The following TRAF3IP1 variants were observed in gnomAD, a reference collection of about 807,000 sequenced individuals.
The protein encoded by TRAF3IP1 is TRAF3-interacting protein 1.
In TRAF3IP1, 53 loss-of-function variants were observed where a neutral mutation model predicts 89.9. The observed-to-expected ratio is 0.59, with a 90% CI of 0.47 to 0.74. The LOEUF is 0.74. TRAF3IP1 is among the 30% of genes least tolerant of loss of function. TRAF3IP1 has a pLI of 0.00. For missense variants in TRAF3IP1, 806 were observed against 866.1 expected (o/e 0.93, Z 0.87); for synonymous variants, 311 against 322.1 (o/e 0.97, Z 0.37).
At chr2:238,349,032 T>C (rs1324439231) in intron 11 of TRAF3IP1, among the ~76,000 whole-genome samples, 184 bp downstream of exon 11, 1 of 152,238 alleles carries the variant, frequency 6.6e-6, no homozygotes, top group Non-Finnish European at 1.5e-5. Flanking sequence ...TATAGTGATA[T>C]AATATTTTGG....
At chr2:238,357,171 G>C (rs949333383) in intron 15 of TRAF3IP1, among the ~76,000 whole-genome samples, 1 of 152,148 alleles carries the variant, frequency 6.6e-6, no homozygotes, top group East Asian at 1.9e-4. Flanking sequence ...CTTTTGTTGG[G>C]ACCTGTGGCC....
chr2:238,400,205 C>T lies in TRAF3IP1; in HGVS notation c.*1286C>T, dbSNP rs567168045. The T allele has an allele frequency of 1.3e-5, 2 of 151,928 alleles. No individual in the cohort carries two copies. The highest frequency in any genetic ancestry group is 2.1e-4 in the South Asian group (1 of 4,824). The allele number at this position is 151,928 out of a possible 1,614,324, so 9.4% of individuals were successfully genotyped here. A position where few individuals can be genotyped will look rare whatever the true frequency, so the allele number is the denominator to read the frequency against. ...CCGCCTCCCGAGTTCAAGTGATTCT[C>T]CTGCCTCAGCCTCCTGAGTAACTGG... On this transcript the variant is annotated 3_prime_UTR_variant, in exon 17 of 17. Coordinates refer to ENST00000373327, the MANE Select transcript of TRAF3IP1 (RefSeq NM_015650.4).
intron 1 of TRAF3IP1, among the ~76,000 whole-genome samples, chr2:238,322,100 G>A (rs952942762): frequency 6.6e-6 from 1 of 152,376 alleles, no homozygotes; most frequent in Admixed American, 6.5e-5. Context: ...GACCTGCTGT[G>A]TGGATAGCCC....
intron 1 of TRAF3IP1, among the ~76,000 whole-genome samples, chr2:238,321,193 T>C (rs1277565346): frequency 6.6e-6 from 1 of 152,124 alleles, no homozygotes; most frequent in Non-Finnish European, 1.5e-5. Context: ...GGAGCATTCT[T>C]ACTTCTTCCC....
At chr2:238,347,816 G>A (rs1316568794) in intron 10 of TRAF3IP1, among the ~76,000 whole-genome samples, 1 of 151,892 alleles carries the variant, frequency 6.6e-6, no homozygotes, top group South Asian at 2.1e-4. Flanking sequence ...TAGTAGAGAC[G>A]GGGTTTCTCC....
chr2:238,320,713 TC>T lies in TRAF3IP1; in HGVS notation c.52del (p.Arg18GlyfsTer5). ...CGCAGGAGGCGCTGGGGAAAGTGAT[TC>T]GGAGGCCGCCGCTGACCGAGAAGCT... The part of the protein sequence containing the change: ...RTQEALGKVI[R>X]RPPLTEKLLS... On this transcript the variant is annotated frameshift_variant, in exon 1 of 17. Coordinates refer to ENST00000373327, the MANE Select transcript of TRAF3IP1 (RefSeq NM_015650.4). LOFTEE classifies it high-confidence loss of function. The T allele has an allele frequency of 6.9e-7, 1 of 1,446,642 alleles. No homozygotes were observed. The highest frequency in any genetic ancestry group is 9.2e-7 in the Non-Finnish European group (1 of 1,088,470). The allele number at this position is 1,446,642 out of a possible 1,614,324, so 89.6% of individuals were successfully genotyped here.
intron 10 of TRAF3IP1, among the ~76,000 whole-genome samples, 168 bp from the exon 11 acceptor site, chr2:238,348,596 G>T (rs114340359): frequency 1.3e-5 from 2 of 152,224 alleles, no homozygotes; most frequent in East Asian, 3.9e-4. Context: ...ATCAGACATC[G>T]ATTTTCTCTT....
In TRAF3IP1 at chr2:238,396,718, A is replaced by G. The variant is rs555012858; in HGVS notation, c.1690-741A>G. Among the ~76,000 whole-genome samples the G allele has an allele frequency of 3.3e-5, 5 of 152,228 alleles. No individual in the cohort carries two copies. In the South Asian group the frequency reaches 8.3e-4, roughly 25 times the overall value. On this transcript the variant is annotated intron_variant, in intron 15 of 16. Coordinates refer to ENST00000373327, the MANE Select transcript of TRAF3IP1 (RefSeq NM_015650.4). The stretch of plus-strand genomic sequence containing the variant: ...CCCAAGAACTCCTGGCCCAAACCGC[A>G]TGCAGCTCCCCACTCGTCTCTGCGT...
intron 15 of TRAF3IP1, among the ~76,000 whole-genome samples, chr2:238,384,562 T>A (rs547563365): frequency 7.4e-4 from 110 of 149,280 alleles, no homozygotes; most frequent in Middle Eastern, 3.4e-3. Flanking sequence ...TTTTTTGTAT[T>A]TTTTTTTTAA....
At chr2:238,380,934 T>C (rs1016303624) in intron 15 of TRAF3IP1, among the ~76,000 whole-genome samples, 8 of 152,164 alleles carry the variant, frequency 5.3e-5, no homozygotes, top group Non-Finnish European at 1.0e-4. Context: ...TGGGAATATC[T>C]TCCATAGAGA....
At chr2:238,326,088 A>G (rs1697819525) in intron 3 of TRAF3IP1, 118 bp downstream of exon 3, 1 of 963,094 alleles carries the variant, frequency 1.0e-6, no homozygotes, top group African/African-American at 1.7e-5. Flanking sequence ...TGTCTGTCAA[A>G]CACTGTGCTT....
Position 238,344,483 on chromosome 2 carries a change from C to T in TRAF3IP1, c.1160-14C>T, listed in dbSNP as rs1222199698. On this transcript the variant is annotated splice_polypyrimidine_tract_variant and intron_variant, in intron 8 of 16. Coordinates refer to ENST00000373327, the MANE Select transcript of TRAF3IP1 (RefSeq NM_015650.4). ...TACAGTCTTAATGACTAATTTTAAA[C>T]TGTTTTATGTCAGGAACAAAAGAAG... The T allele has an allele frequency of 6.2e-7, 1 of 1,607,872 alleles. No homozygotes were observed. Among genetic ancestry groups the T allele is most frequent in the Admixed American group, 1.7e-5 (1 of 59,974 alleles).
chr2:238,325,519 C>G (rs1349580638), intron 2 of TRAF3IP1, 145 bp downstream of exon 2: 1 of 796,518 alleles, frequency 1.3e-6, no homozygotes, highest in Non-Finnish European at 2.0e-6. Flanking sequence ...ATATATATAC[C>G]CTTTCTCATT....
chr2:238,330,743 G>A (rs190260383), intron 5 of TRAF3IP1, among the ~76,000 whole-genome samples: 1 of 152,316 alleles, frequency 6.6e-6, no homozygotes, highest in African/African-American at 2.4e-5. Context: ...GGTCACAGTG[G>A]GATGGGGGGT....
chr2:238,387,599 C>T (rs1444897238), intron 15 of TRAF3IP1, among the ~76,000 whole-genome samples: 3 of 152,182 alleles, frequency 2.0e-5, no homozygotes, highest in Non-Finnish European at 4.4e-5. Context: ...GTCACGTGCT[C>T]ATCTCTATTG....
At position 238,377,402 on chromosome 2, in the gene TRAF3IP1, T is replaced by C. The variant is rs543744985; in HGVS notation, c.1690-20057T>C. ...GCCACTCTGCCTGGCTAAGTTTTTG[T>C]AGGTTCCCCCCCCACTGTGGGGCTT... On this transcript the variant is annotated intron_variant, in intron 15 of 16. Transcript: ENST00000373327. 8.0e-3 allele frequency among the ~76,000 whole-genome samples: 556 copies of C among 69,510 alleles called. 1 individual carries two copies. Among genetic ancestry groups the C allele is most frequent in the African/African-American group, 0.025 (510 of 20,382 alleles). 45.6% of individuals were successfully genotyped at this position (69,510 alleles called of 152,430 possible).
chr2:238,338,672 A>T (rs946662195), intron 8 of TRAF3IP1, among the ~76,000 whole-genome samples: 1 of 152,228 alleles, frequency 6.6e-6, no homozygotes, highest in African/African-American at 2.4e-5. Flanking sequence ...TTAGTTAATT[A>T]TATGCCTTTT....
chr2:238,390,321 C>T (rs1037570198), intron 15 of TRAF3IP1, among the ~76,000 whole-genome samples: 2 of 152,058 alleles, frequency 1.3e-5, no homozygotes, highest in East Asian at 1.9e-4. Flanking sequence ...AACCTTTCAG[C>T]GGAGAAAAGA....
intron 1 of TRAF3IP1, among the ~76,000 whole-genome samples, chr2:238,322,462 G>A (rs1042928990): frequency 6.6e-6 from 1 of 152,158 alleles, no homozygotes; most frequent in African/African-American, 2.4e-5. Flanking sequence ...GCCAAGGCGG[G>A]CAGATCACTT....
Sources: allele counts gnomAD v4.1 joint callset (sites outside exome capture counted in the v4.1 genomes callset), GRCh38; gene constraint gnomAD v4.1.1; transcripts MANE v1.5; gene names NCBI Gene and HGNC (gene_info 2026-07-23, HGNC 2026-07-21).